The following DCAF11 variants were observed in gnomAD, a reference collection of about 807,000 sequenced individuals.
DCAF11 encodes the protein DDB1 and CUL4 associated factor 11, also known as DDB1- and CUL4-associated factor 11.
Under a neutral mutation model 76.1 loss-of-function variants are expected in DCAF11, and 44 were observed. The ratio of observed to expected loss-of-function variants is 0.58; its 90% CI spans 0.45 to 0.74. The LOEUF (loss-of-function observed/expected upper bound fraction) is 0.74. Ranked by LOEUF, DCAF11 falls within the 30% of genes least tolerant of loss-of-function variation. The probability of loss-of-function intolerance (pLI) is 0.00; values close to 1 mark genes in which losing one functional copy is unlikely to be tolerated. For missense variants in DCAF11, 604 were observed against 709.4 expected, an observed-to-expected ratio of 0.85 and a Z score of 1.69; for synonymous variants, 258 against 255.0, an observed-to-expected ratio of 1.01 and a Z score of -0.11.
Position 24,121,414 on chromosome 14 carries a change from G to T in DCAF11, c.1296G>T (p.Arg432=). 2 of 1,614,172 alleles carry T rather than the reference G, an allele frequency of 1.2e-6. No individual in the cohort carries two copies. The highest frequency in any genetic ancestry group is 1.3e-5 in the African/African-American group (1 of 75,026). The stretch of plus-strand genomic sequence containing the variant: ...GGGACAGCTCCTTGATGACCTACCG[G>T]GGCCACGGAGTGCTGCACACCCTCA... ...LPGDSSLMTY[R]GHGVLHTLIR... The change falls in exon 13 of 15, where the codon CGG becomes CGT. Residue 432 remains arginine (R), a synonymous_variant. Transcript: ENST00000446197.
chr14:24,118,089 T>C lies in DCAF11; in HGVS notation c.511T>C (p.Tyr171His). 1.2e-6 allele frequency: 2 copies of C among 1,612,676 alleles called. No homozygotes were observed. The highest frequency in any genetic ancestry group is 1.1e-5 in the South Asian group (1 of 90,734). Reference protein sequence around the residue: ...LPNDLGFTDSYSQKAFCGIYS... With the variant: ...LPNDLGFTDSHSQKAFCGIYS... ...CAATGATCTGGGCTTCACTGATAGC[T>C]ACTCTCAGAAGGCTTTCTGTGGCAT... The change falls in exon 6 of 15, where the codon TAC becomes CAC. Residue 171 changes from tyrosine to histidine, a missense_variant. Physicochemically the swap from Tyr to His is moderately conservative, Grantham distance 83. Transcript: ENST00000446197.
Position 24,115,292 on chromosome 14 carries a change from A to T in DCAF11, c.-215A>T, listed in dbSNP as rs1212113458. 4.0e-6 allele frequency: 1 copy of T among 247,064 alleles called. No individual in the cohort carries two copies. Among genetic ancestry groups the T allele is most frequent in the African/African-American group, 2.3e-5 (1 of 44,366 alleles). 15.3% of individuals were successfully genotyped at this position (247,064 alleles called of 1,614,324 possible). A position where few individuals can be genotyped will look rare whatever the true frequency, so the allele number is the denominator to read the frequency against. ...CGCTCCCCAGTCCGGGGACTTCGAT[A>T]GGTGAGTTTGGTGTAGAAAACAAAT... On this transcript the variant is annotated splice_region_variant and 5_prime_UTR_variant, in exon 1 of 15. Coordinates refer to ENST00000446197, the MANE Select transcript of DCAF11 (RefSeq NM_025230.5).
intron 13 of DCAF11, among the ~76,000 whole-genome samples, chr14:24,122,734 A>G (rs777048660): frequency 2.0e-5 from 3 of 152,148 alleles, no homozygotes; most frequent in African/African-American, 4.8e-5. Context: ...TGTAGCCCCT[A>G]TGAAATTTAG....
rs1232526434 is a variant in DCAF11 at position 24,121,267 on chromosome 14, A to G, written c.1247-98A>G. ...GCCACCACTTGAAGATTGGAAAGGCATTTGTCTCTGGGCATCGAACCTTGC... is the reference window on the plus strand; with the variant it reads ...GCCACCACTTGAAGATTGGAAAGGCGTTTGTCTCTGGGCATCGAACCTTGC... On this transcript the variant is annotated intron_variant, in intron 12 of 14. Coordinates refer to ENST00000446197, the MANE Select transcript of DCAF11 (RefSeq NM_025230.5). 2.0e-6 allele frequency: 3 copies of G among 1,498,046 alleles called. No homozygotes were observed. In the East Asian group the frequency reaches 6.8e-5, roughly 34 times the overall value. The allele number at this position is 1,498,046 out of a possible 1,614,324, so 92.8% of individuals were successfully genotyped here.
At chr14:24,120,156 C>T (rs1482457695) in intron 11 of DCAF11, among the ~76,000 whole-genome samples, 1 of 152,014 alleles carries the variant, frequency 6.6e-6, no homozygotes, top group Non-Finnish European at 1.5e-5. Context: ...GTAATCCTAG[C>T]ACTTTGGGAG....
intron 9 of DCAF11, 160 bp from the exon 10 acceptor site, chr14:24,119,399 G>A: frequency 7.5e-6 from 9 of 1,200,216 alleles, no homozygotes; most frequent in Non-Finnish European, 1.1e-5. Flanking sequence ...GAGGTGTCAA[G>A]CCTCCTTGAA....
Position 24,121,501 on chromosome 14 carries a change from C to T in DCAF11, c.1383C>T (p.Ser461=). The T allele has an allele frequency of 1.2e-6, 2 of 1,614,120 alleles. No homozygotes were observed. The highest frequency in any genetic ancestry group is 8.5e-7 in the Non-Finnish European group (1 of 1,180,024). ...AGCAGTTCATCTACAGTGGCTGCTCCACTGGCAAAGTGGTTGGTAAGGATT... is the reference window on the plus strand; with the variant it reads ...AGCAGTTCATCTACAGTGGCTGCTCTACTGGCAAAGTGGTTGGTAAGGATT... ...TGQQFIYSGC[S]TGKVVVYDLL... is the part of the protein sequence containing the mutation. Residue 461 remains serine (S), a synonymous_variant, in exon 13 of 15, where the codon TCC becomes TCT. Coordinates refer to ENST00000446197, the MANE Select transcript of DCAF11 (RefSeq NM_025230.5).
intron 9 of DCAF11, 78 bp downstream of exon 9, chr14:24,119,291 T>C: frequency 6.4e-7 from 1 of 1,559,134 alleles, no homozygotes; most frequent in Non-Finnish European, 8.8e-7. Context: ...GTTACACAGA[T>C]GGCACTGGCA....
In DCAF11 at chr14:24,115,234, A is replaced by G. The variant is rs2037519472; in HGVS notation, c.-273A>G. The G allele has an allele frequency of 5.1e-6, 1 of 196,748 alleles. No individual in the cohort carries two copies. The highest frequency in any genetic ancestry group is 9.8e-6 in the Non-Finnish European group (1 of 101,586). The allele number at this position is 196,748 out of a possible 1,614,324, so 12.2% of individuals were successfully genotyped here. The stretch of plus-strand genomic sequence containing the variant: ...TTTCGATTGGTCGGTCAGAGAGGTT[A>G]CCTGGAAATCCAACACCGCCCAACA... On this transcript the variant is annotated 5_prime_UTR_variant, in exon 1 of 15. Coordinates refer to ENST00000446197, the MANE Select transcript of DCAF11 (RefSeq NM_025230.5).
chr14:24,115,458 G>T lies in DCAF11; in HGVS notation c.-137G>T. On this transcript the variant is annotated 5_prime_UTR_variant, in exon 2 of 15. The change creates a new upstream start codon in the 5' untranslated region. Transcript: ENST00000446197. ...GAAAAGGGATCTCAGCCCCGAGGAA[G>T]GGTCACCCTCCTAGAGATAGCTACT... The T allele has an allele frequency of 7.9e-7, 1 of 1,272,910 alleles. No individual in the cohort carries two copies. The highest frequency in any genetic ancestry group is 1.1e-6 in the Non-Finnish European group (1 of 941,300). 78.9% of individuals were successfully genotyped at this position (1,272,910 alleles called of 1,614,324 possible).
intron 11 of DCAF11, among the ~76,000 whole-genome samples, chr14:24,120,178 A>AG (rs1419376548): frequency 6.6e-6 from 1 of 151,624 alleles, no homozygotes; most frequent in Non-Finnish European, 1.5e-5. Flanking sequence ...CTGAGGTGGG[A>AG]GGATCACTTG....
At chr14:24,118,885 G>T in intron 8 of DCAF11, 81 bp downstream of exon 8, 1 of 1,508,438 alleles carries the variant, frequency 6.6e-7, no homozygotes. Flanking sequence ...TGAGTTGGAA[G>T]TTCTGTTTAG....
chr14:24,121,401 T>C lies in DCAF11; in HGVS notation c.1283T>C (p.Leu428Ser), dbSNP rs1431693712. The C allele has an allele frequency of 6.2e-7, 1 of 1,614,214 alleles. No individual in the cohort carries two copies. The highest frequency in any genetic ancestry group is 8.5e-7 in the Non-Finnish European group (1 of 1,180,028). ...CTGAAGCTCCCAGGGGACAGCTCCT[T>C]GATGACCTACCGGGGCCACGGAGTG... ...RKLKLPGDSS[L>S]MTYRGHGVLH... The change falls in exon 13 of 15, where the codon TTG (leucine) becomes TCG (serine). Residue 428 changes from leucine (L) to serine (S), a missense_variant. Physicochemically the swap from Leu to Ser is moderately radical, Grantham distance 145 (BLOSUM62 -2). Transcript: ENST00000446197.
chr14:24,124,888 A>C lies in DCAF11; in HGVS notation c.*1579A>C, dbSNP rs1189734679. 6.6e-6 allele frequency: 1 copy of C among 152,234 alleles called. No homozygotes were observed. The highest frequency in any genetic ancestry group is 1.5e-5 in the Non-Finnish European group (1 of 68,086). The allele number at this position is 152,234 out of a possible 1,614,324, so 9.4% of individuals were successfully genotyped here. The stretch of plus-strand genomic sequence containing the variant: ...GGAACCCAATCTCTACTAAAAATAC[A>C]AAAAAACTAGCCGGATATGGTGGCG... On this transcript the variant is annotated 3_prime_UTR_variant, in exon 15 of 15. Coordinates refer to ENST00000446197, the MANE Select transcript of DCAF11 (RefSeq NM_025230.5).
At chr14:24,116,482 G>A (rs546425864) in intron 2 of DCAF11, among the ~76,000 whole-genome samples, 2 of 152,264 alleles carry the variant, frequency 1.3e-5, no homozygotes, top group Non-Finnish European at 2.9e-5. Context: ...TGCCTCCCAG[G>A]TAGCTAAGAC....
rs1301966937 is a variant in DCAF11, at chr14:24,117,115, G to A, written c.283+71G>A. ...CTTTTAGTGATATTTTGAATGATAG[G>A]TTACATTGAAAGAAGGTACGATAAT... is the stretch of plus-strand genomic sequence containing the variant. On this transcript the variant is annotated intron_variant, in intron 3 of 14. Coordinates refer to ENST00000446197, the MANE Select transcript of DCAF11 (RefSeq NM_025230.5). This position sits in a 1 kb window ranked among gnomAD's most constrained non-coding sequence, Gnocchi z 4.3. The A allele has an allele frequency of 6.8e-6, 11 of 1,611,014 alleles. 1 individual carries two copies. Among genetic ancestry groups the A allele is most frequent in the South Asian group, 2.2e-5 (2 of 90,882 alleles).
At chr14:24,118,951 G>T in intron 8 of DCAF11, 147 bp downstream of exon 8, 1 of 1,140,878 alleles carries the variant, frequency 8.8e-7, no homozygotes. Context: ...GCACCATCTT[G>T]TCAGCCAGAG....
Position 24,118,783 on chromosome 14 carries a change from C to A in DCAF11, c.758C>A (p.Thr253Lys), listed in dbSNP as rs1338735983. The A allele has an allele frequency of 6.2e-7, 1 of 1,613,986 alleles. No homozygotes were observed. The highest frequency in any genetic ancestry group is 2.2e-5 in the East Asian group (1 of 44,900). ...HICNIYGEGDTHTALDLRPDE... is the reference protein window; with the variant it reads ...HICNIYGEGDKHTALDLRPDE... ...TGCAATATCTATGGTGAGGGAGATA[C>A]ACACACTGCCCTGGATCTCAGGTAC... Residue 253 changes from threonine (T) to lysine (K), a missense_variant, in exon 8 of 15, where the codon ACA (threonine) becomes AAA (lysine). Thr to Lys is a moderately conservative substitution (Grantham distance 78). Coordinates refer to ENST00000446197, the MANE Select transcript of DCAF11 (RefSeq NM_025230.5).
chr14:24,118,827 A>C, intron 8 of DCAF11, 23 bp downstream of exon 8: 1 of 1,613,298 alleles, frequency 6.2e-7, no homozygotes, highest in Non-Finnish European at 8.5e-7. Flanking sequence ...CTTTCTGGTC[A>C]GACTCATCAG....
Sources: allele counts gnomAD v4.1 joint callset (sites outside exome capture counted in the v4.1 genomes callset), GRCh38; gene constraint gnomAD v4.1.1; non-coding constraint Gnocchi (gnomAD v3.1); transcripts MANE v1.5; gene names NCBI Gene and HGNC (gene_info 2026-07-23, HGNC 2026-07-21).